The following CPEB4 variants were observed in gnomAD, a reference collection of about 807,000 sequenced individuals.
CPEB4 encodes cytoplasmic polyadenylation element binding protein 4.
In CPEB4, 12 loss-of-function variants were observed where a neutral mutation model predicts 72.5. That is an observed-to-expected ratio of 0.17 (90% CI 0.11 to 0.27). The LOEUF is 0.27. Ranked by LOEUF, CPEB4 falls within the 10% of genes least tolerant of loss-of-function variation. The pLI, the probability that CPEB4 is intolerant of heterozygous loss-of-function variation, is 1.00. For synonymous variants in CPEB4, 302 were observed against 326.3 expected, an observed-to-expected ratio of 0.93 and a Z score of 0.80; for missense variants, 614 against 908.5, an observed-to-expected ratio of 0.68 and a Z score of 4.17.
rs1758335220 is a variant in CPEB4 at position 173,955,065 on chromosome 5, A to G, written c.1963-845A>G. ...CTAATCTTGGTCAGGATTCCTTGTC[A>G]GAGCTGGGTGGCACCAGTGCTGGTG... On this transcript the variant is annotated intron_variant, in intron 9 of 9. Coordinates refer to ENST00000265085, the MANE Select transcript of CPEB4 (RefSeq NM_030627.4). The surrounding 1 kb of genome is among the most constrained non-coding windows in gnomAD (Gnocchi z 4.7). Among the ~76,000 whole-genome samples the G allele has an allele frequency of 6.6e-6, 1 of 152,170 alleles. No homozygotes were observed. The highest frequency in any genetic ancestry group is 1.5e-5 in the Non-Finnish European group (1 of 68,050).
rs1332975067 is a variant in CPEB4 at position 173,957,459 on chromosome 5, C to T, written c.*1322C>T. ...TACAGTTTCCGAATTTAGCATGGGACATAGTCAGTGTTTGAAGTGCCAACT... is the reference window on the plus strand; with the variant it reads ...TACAGTTTCCGAATTTAGCATGGGATATAGTCAGTGTTTGAAGTGCCAACT... On this transcript the variant is annotated 3_prime_UTR_variant, in exon 10 of 10. Coordinates refer to ENST00000265085, the MANE Select transcript of CPEB4 (RefSeq NM_030627.4). 1 of 152,766 alleles carries T rather than the reference C, an allele frequency of 6.5e-6. No homozygotes were observed. The highest frequency in any genetic ancestry group is 1.5e-5 in the Non-Finnish European group (1 of 68,038). The allele number at this position is 152,766 out of a possible 1,614,324, so 9.5% of individuals were successfully genotyped here.
At position 173,945,352 on chromosome 5, in the gene CPEB4, A is replaced by G. The variant is rs1757982720; in HGVS notation, c.1456+212A>G. On this transcript the variant is annotated intron_variant, in intron 5 of 9. Transcript: ENST00000265085. ...CAAACCAACTAAAGCAAGGCATTGGACTATATGAAAAGGAGTAAACATCAC... is the reference window on the plus strand; with the variant it reads ...CAAACCAACTAAAGCAAGGCATTGGGCTATATGAAAAGGAGTAAACATCAC... Among the ~76,000 whole-genome samples the G allele has an allele frequency of 4.6e-5, 7 of 152,214 alleles. 1 individual carries two copies. In the South Asian group the frequency reaches 1.4e-3, roughly 31 times the overall value.
At chr5:173,909,531 AT>A (rs5873397) in intron 1 of CPEB4, among the ~76,000 whole-genome samples, 140,630 of 150,286 alleles carry the variant, frequency 0.94, 65,846 homozygotes, top group East Asian at 1. Flanking sequence ...AGTCTACGAA[AT>A]TTTTTTTTTT....
intron 2 of CPEB4, among the ~76,000 whole-genome samples, chr5:173,919,026 A>C (rs1243518297): frequency 1.3e-5 from 2 of 152,202 alleles, no homozygotes; most frequent in Non-Finnish European, 2.9e-5. Flanking sequence ...GGTTAAACAT[A>C]CATTTAAAAG....
Position 173,955,776 on chromosome 5 carries a change from T to TA in CPEB4, c.1963-131dup. On this transcript the variant is annotated intron_variant, in intron 9 of 9. Coordinates refer to ENST00000265085, the MANE Select transcript of CPEB4 (RefSeq NM_030627.4). The surrounding 1 kb of genome is among the most constrained non-coding windows in gnomAD (Gnocchi z 4.7). ...AAAAGATGAACTATCCATATTTCAGTAAATGAATAATTAGTCCTTCCTCTT... is the reference window on the plus strand; with the variant it reads ...AAAAGATGAACTATCCATATTTCAGTAAAATGAATAATTAGTCCTTCCTCTT... 1.6e-6 allele frequency: 1 copy of TA among 625,448 alleles called. No individual in the cohort carries two copies. Among genetic ancestry groups the TA allele is most frequent in the Non-Finnish European group, 2.7e-6 (1 of 365,284 alleles). The allele number at this position is 625,448 out of a possible 1,614,324, so 38.7% of individuals were successfully genotyped here. A position where few individuals can be genotyped will look rare whatever the true frequency, so the allele number is the denominator to read the frequency against.
intron 2 of CPEB4, among the ~76,000 whole-genome samples, chr5:173,919,775 A>G (rs560455533): frequency 7.7e-4 from 117 of 152,306 alleles, no homozygotes; most frequent in African/African-American, 2.6e-3. Context: ...GAACGAGGGA[A>G]CAGTTCACAA....
In CPEB4 at chr5:173,891,899, C is replaced by T. The variant is rs918266331; in HGVS notation, c.1125+1041C>T. Among the ~76,000 whole-genome samples, 104 of 151,336 alleles carry T rather than the reference C, an allele frequency of 6.9e-4. 1 individual carries two copies. Among genetic ancestry groups the T allele is most frequent in the Non-Finnish European group, 3.4e-4 (23 of 67,898 alleles). On this transcript the variant is annotated intron_variant, in intron 1 of 9. Transcript: ENST00000265085. ...TGTTATTATCCCCATTTTACAGATG[C>T]AGAAATTGAATATGAGAAATATATA...
At chr5:173,929,918 T>C (rs1757380160) in intron 2 of CPEB4, among the ~76,000 whole-genome samples, 2 of 152,212 alleles carry the variant, frequency 1.3e-5, no homozygotes, top group African/African-American at 4.8e-5. Flanking sequence ...TGTTTTATGA[T>C]AAATGAAAGT....
intron 3 of CPEB4, among the ~76,000 whole-genome samples, chr5:173,933,727 A>G (rs1757522937): frequency 6.6e-6 from 1 of 152,158 alleles, no homozygotes; most frequent in Non-Finnish European, 1.5e-5. Context: ...ATTGTAGTGA[A>G]CCAAGATTGG....
At chr5:173,894,764 A>T (rs903536165) in intron 1 of CPEB4, among the ~76,000 whole-genome samples, 1 of 152,160 alleles carries the variant, frequency 6.6e-6, no homozygotes, top group Non-Finnish European at 1.5e-5. Flanking sequence ...CTTAATCATT[A>T]TACTACAGTG....
In CPEB4 at chr5:173,945,156, T is replaced by C. The variant is rs750414629; in HGVS notation, c.1456+16T>C. On this transcript the variant is annotated intron_variant, in intron 5 of 9. Coordinates refer to ENST00000265085, the MANE Select transcript of CPEB4 (RefSeq NM_030627.4). ...ATTGATGAAGGTATGTTTAGAACTG[T>C]TTATAGCACGGTGCCCAGATGGTGG... The C allele has an allele frequency of 6.3e-7, 1 of 1,599,222 alleles. No individual in the cohort carries two copies. Among genetic ancestry groups the C allele is most frequent in the Non-Finnish European group, 8.6e-7 (1 of 1,169,010 alleles).
At chr5:173,925,549 G>A (rs1457198604) in intron 2 of CPEB4, among the ~76,000 whole-genome samples, 1 of 152,138 alleles carries the variant, frequency 6.6e-6, no homozygotes, top group African/African-American at 2.4e-5. Context: ...ATTGAATGCT[G>A]TTTTGTTCAT....
At chr5:173,918,806 A>G (rs1249545542) in intron 2 of CPEB4, among the ~76,000 whole-genome samples, 1 of 152,178 alleles carries the variant, frequency 6.6e-6, no homozygotes, top group Non-Finnish European at 1.5e-5. Context: ...CAAAGGGGGA[A>G]TTTGTCTTAT....
At chr5:173,905,541 G>A (rs950806192) in intron 1 of CPEB4, among the ~76,000 whole-genome samples, 1 of 151,908 alleles carries the variant, frequency 6.6e-6, no homozygotes, top group Non-Finnish European at 1.5e-5. Context: ...GGCTGGTCTC[G>A]AACTCCTGAC....
chr5:173,921,986 T>C (rs1757089235), intron 2 of CPEB4, among the ~76,000 whole-genome samples: 1 of 152,188 alleles, frequency 6.6e-6, no homozygotes, highest in Admixed American at 6.5e-5. Flanking sequence ...AGTTTTGTGG[T>C]CTTCATTTTA....
In CPEB4 at chr5:173,949,622, T is replaced by G. The variant is rs201301136; in HGVS notation, c.1546+25T>G. On this transcript the variant is annotated intron_variant, in intron 6 of 9. Coordinates refer to ENST00000265085, the MANE Select transcript of CPEB4 (RefSeq NM_030627.4). Reference sequence around the variant, plus strand: ...GGTAATTCTCAAGATTCATTATACTTATGTAATTTATTCTTACATTGTTTA... The same window carrying G: ...GGTAATTCTCAAGATTCATTATACTGATGTAATTTATTCTTACATTGTTTA... 105 of 1,438,798 alleles carry G rather than the reference T, an allele frequency of 7.3e-5. No homozygotes were observed. The African/African-American group carries it at 1.4e-3, about 19-fold the overall frequency. 89.1% of individuals were successfully genotyped at this position (1,438,798 alleles called of 1,614,324 possible).
In CPEB4 at chr5:173,951,951, A is replaced by G. The variant is rs746144138; in HGVS notation, c.1780+13A>G. 2.7e-6 allele frequency: 4 copies of G among 1,497,156 alleles called. No homozygotes were observed. The East Asian group carries it at 6.8e-5, about 25-fold the overall frequency. 92.7% of individuals were successfully genotyped at this position (1,497,156 alleles called of 1,614,324 possible). The stretch of plus-strand genomic sequence containing the variant: ...CCATTACGAGCTGGTATGATTAAAC[A>G]AACGACAAACTCTCTACCCTATAGC... On this transcript the variant is annotated intron_variant, in intron 8 of 9. Transcript: ENST00000265085.
chr5:173,940,319 C>T lies in CPEB4; in HGVS notation c.1259-2707C>T, dbSNP rs529371272. On this transcript the variant is annotated intron_variant, in intron 3 of 9. Coordinates refer to ENST00000265085, the MANE Select transcript of CPEB4 (RefSeq NM_030627.4). Reference sequence around the variant, plus strand: ...TAGAACTTTTCCAAAATGTAGATTTCTTTGAACATAATTAAAGTCATTTTT... The same window carrying T: ...TAGAACTTTTCCAAAATGTAGATTTTTTTGAACATAATTAAAGTCATTTTT... Among the ~76,000 whole-genome samples, 119 of 152,232 alleles carry T rather than the reference C, an allele frequency of 7.8e-4. 2 individuals carry two copies. The highest frequency in any genetic ancestry group is 9.9e-4 in the Non-Finnish European group (67 of 68,016).
intron 1 of CPEB4, among the ~76,000 whole-genome samples, chr5:173,899,086 G>A (rs1753773047): frequency 6.6e-6 from 1 of 152,182 alleles, no homozygotes; most frequent in African/African-American, 2.4e-5. Context: ...ACCAACTGGT[G>A]ATATTTTTTT....
Sources: gnomAD v4.1 joint callset for allele counts (sites outside exome capture counted in the v4.1 genomes callset) on GRCh38, gnomAD v4.1.1 for gene constraint, Gnocchi (gnomAD v3.1) non-coding constraint, MANE v1.5 for transcripts, NCBI Gene and HGNC (gene_info 2026-07-23, HGNC 2026-07-21) for gene names.